The following USP13 variants were observed in gnomAD, a reference collection of about 807,000 sequenced individuals.
USP13 encodes ubiquitin carboxyl-terminal hydrolase 13.
A neutral mutation model predicts 107.8 loss-of-function variants in USP13; 68 were observed. The ratio of observed to expected loss-of-function variants is 0.63; its 90% CI spans 0.52 to 0.77. USP13 has a LOEUF of 0.77. USP13 is among the 30% of genes least tolerant of loss of function. The pLI is 0.00. For missense variants in USP13, 945 were observed against 1,093.3 expected, an observed-to-expected ratio of 0.86 and a Z score of 1.91; for synonymous variants, 377 against 389.5, an observed-to-expected ratio of 0.97 and a Z score of 0.38.
intron 10 of USP13, 31 bp from the exon 11 acceptor site, chr3:179,740,216 A>G: frequency 1.2e-6 from 2 of 1,610,900 alleles, no homozygotes; most frequent in South Asian, 1.1e-5. Context: ...GCATGAAAGT[A>G]TCATAAGTCC....
At chr3:179,744,065 T>G (rs985891709) in intron 12 of USP13, among the ~76,000 whole-genome samples, 1 of 152,050 alleles carries the variant, frequency 6.6e-6, no homozygotes, top group Non-Finnish European at 1.5e-5. Context: ...TCCCTTAGTA[T>G]TTAATCATTT....
At chr3:179,750,326 G>GTGTGTA (rs1553797370) in intron 13 of USP13, among the ~76,000 whole-genome samples, 108 of 75,846 alleles carry the variant, frequency 1.4e-3, no homozygotes, top group Middle Eastern at 7.0e-3. Context: ...ATATATGTGT[G>GTGTGTA]TATATATATA....
chr3:179,761,746 A>C (rs796521470), intron 17 of USP13, among the ~76,000 whole-genome samples: 38 of 152,180 alleles, frequency 2.5e-4, no homozygotes, highest in African/African-American at 9.1e-4. Context: ...ACAAAAAAAC[A>C]ACAAAAAAAA....
intron 13 of USP13, among the ~76,000 whole-genome samples, chr3:179,746,813 C>T (rs1278614571): frequency 6.6e-6 from 1 of 152,146 alleles, no homozygotes; most frequent in Non-Finnish European, 1.5e-5. Flanking sequence ...GATCTGCCCT[C>T]CTCAGCCTCC....
rs889938068 is a variant in USP13, at chr3:179,787,708, T to G, written c.*3567T>G. On this transcript the variant is annotated 3_prime_UTR_variant, in exon 21 of 21. Coordinates refer to ENST00000263966, the MANE Select transcript of USP13 (RefSeq NM_003940.3). ...CAGCCTCCTCCCGGGTTCAAGTGAT[T>G]CTCCTGCCTCAGCTTCCCAAGTAGC... 1 of 152,362 alleles carries G rather than the reference T, an allele frequency of 6.6e-6. No individual in the cohort carries two copies. The highest frequency in any genetic ancestry group is 2.4e-5 in the African/African-American group (1 of 41,434). 9.4% of individuals were successfully genotyped at this position (152,362 alleles called of 1,614,324 possible).
intron 1 of USP13, among the ~76,000 whole-genome samples, chr3:179,664,130 G>T (rs1489878680): frequency 6.9e-6 from 1 of 144,046 alleles, no homozygotes; most frequent in East Asian, 2.0e-4. Context: ...TTCTGGGTGT[G>T]TTTTTTTTTT....
At chr3:179,743,571 C>G (rs112960052) in intron 12 of USP13, among the ~76,000 whole-genome samples, 7 of 151,936 alleles carry the variant, frequency 4.6e-5, no homozygotes, top group African/African-American at 1.7e-4. Flanking sequence ...GTTTCAAAAT[C>G]CTTTTGGTGT....
intron 5 of USP13, 115 bp from the exon 6 acceptor site, chr3:179,708,658 G>A: frequency 1.5e-6 from 2 of 1,298,516 alleles, no homozygotes; most frequent in African/African-American, 1.5e-5. Flanking sequence ...ATCAGTCTCT[G>A]TTATTCCACT....
intron 14 of USP13, among the ~76,000 whole-genome samples, chr3:179,752,986 G>A (rs1714664305): frequency 6.6e-6 from 1 of 152,164 alleles, no homozygotes; most frequent in Non-Finnish European, 1.5e-5. Context: ...CCTGACCATT[G>A]TTAGAGGTTA....
intron 1 of USP13, among the ~76,000 whole-genome samples, chr3:179,665,617 G>C (rs1010454051): frequency 5.9e-5 from 9 of 152,054 alleles, no homozygotes; most frequent in Non-Finnish European, 1.2e-4. Context: ...ACAGAGTCTT[G>C]CTGTGTTGCC....
chr3:179,688,235 A>ATCCATCCATCTG (rs1373003619), intron 2 of USP13, among the ~76,000 whole-genome samples: 4 of 10,770 alleles, frequency 3.7e-4, no homozygotes, highest in African/African-American at 9.7e-4. Flanking sequence ...CCATCCATCC[A>ATCCATCCATCTG]TCCAACAAAT....
intron 13 of USP13, among the ~76,000 whole-genome samples, chr3:179,748,762 A>G (rs1031953603): frequency 2.6e-5 from 4 of 152,190 alleles, no homozygotes; most frequent in African/African-American, 4.8e-5. Flanking sequence ...AGAAAAGCAT[A>G]GTGTGGGGTT....
intron 20 of USP13, 105 bp downstream of exon 20, chr3:179,781,928 C>A: frequency 1.9e-6 from 2 of 1,052,734 alleles, no homozygotes; most frequent in Non-Finnish European, 2.9e-6. Flanking sequence ...TTGGTTCTCA[C>A]ATTGGTCTTG....
chr3:179,709,080 A>G (rs1473442929), intron 6 of USP13, 123 bp downstream of exon 6: 1 of 1,181,062 alleles, frequency 8.5e-7, no homozygotes, highest in African/African-American at 1.6e-5. Context: ...TTTGAATTCT[A>G]ATTCTGCCTC....
chr3:179,768,334 A>C (rs950225751), intron 19 of USP13, among the ~76,000 whole-genome samples: 2 of 152,190 alleles, frequency 1.3e-5, no homozygotes, highest in Admixed American at 6.5e-5. Context: ...AGTAATGATA[A>C]AGAACAGCCA....
intron 17 of USP13, 103 bp from the exon 18 acceptor site, chr3:179,763,899 T>C: frequency 1.4e-6 from 2 of 1,405,212 alleles, no homozygotes; most frequent in South Asian, 1.5e-5. Flanking sequence ...ACTGTCTTGA[T>C]TATTATAACT....
At chr3:179,746,429 T>A (rs1462852430) in intron 13 of USP13, among the ~76,000 whole-genome samples, 1 of 151,186 alleles carries the variant, frequency 6.6e-6, no homozygotes, top group Non-Finnish European at 1.5e-5. Flanking sequence ...AATTTTTGTA[T>A]ATTTTTTTTT....
At chr3:179,692,344 G>C (rs1712143585) in intron 3 of USP13, among the ~76,000 whole-genome samples, 1 of 152,164 alleles carries the variant, frequency 6.6e-6, no homozygotes, top group Non-Finnish European at 1.5e-5. Context: ...TTTCTTTCCT[G>C]GTTTGATTCT....
At chr3:179,728,847 C>A (rs571160983) in intron 8 of USP13, among the ~76,000 whole-genome samples, 2 of 152,072 alleles carry the variant, frequency 1.3e-5, no homozygotes, top group Non-Finnish European at 2.9e-5. Flanking sequence ...TCAGGCGTGG[C>A]GGCGCGCGCC....
Sources: gnomAD v4.1 joint callset for allele counts (sites outside exome capture counted in the v4.1 genomes callset) on GRCh38, gnomAD v4.1.1 for gene constraint, MANE v1.5 for transcripts, NCBI Gene and HGNC (gene_info 2026-07-23, HGNC 2026-07-21) for gene names.